THOC2: variants seen among roughly 807,000 people sequenced by gnomAD.
The protein encoded by THOC2 is THO complex subunit 2.
A neutral mutation model predicts 128.4 loss-of-function variants in THOC2; 10 were observed. That is an observed-to-expected ratio of 0.08 (90% CI 0.05 to 0.13). THOC2 has a LOEUF of 0.13. Among genes scored for constraint, THOC2 ranks in the 10% least tolerant of loss-of-function variants. The pLI is 1.00. For synonymous variants in THOC2, 393 were observed against 396.9 expected, an observed-to-expected ratio of 0.99 and a Z score of 0.12; for missense variants, 535 against 1,155.7, an observed-to-expected ratio of 0.46 and a Z score of 7.79.
chrX:123,609,459 A>G (rs996260045), intron 38 of THOC2, among the ~76,000 whole-genome samples: 1 of 111,939 alleles, frequency 8.9e-6, no homozygotes, highest in African/African-American at 3.2e-5. Context: ...CCTGCTTTGC[A>G]GCCAAAATAA....
In THOC2 at chrX:123,621,204, G is replaced by C. The variant is rs1222842994; in HGVS notation, c.4169C>G (p.Ser1390Cys). 1 of 1,206,863 alleles carries C rather than the reference G, an allele frequency of 8.3e-7. No individual in the cohort carries two copies. Among genetic ancestry groups the C allele is most frequent in the African/African-American group, 1.8e-5 (1 of 56,777 alleles). ...KGGEKTPVSG[S>C]LKSPVPRSDI... ...TGATCTGGGAACAGGTGATTTCAAGGACCCAGAAACTGGTGTTTTTTCTCC... is the reference window on the plus strand; with the variant it reads ...TGATCTGGGAACAGGTGATTTCAAGCACCCAGAAACTGGTGTTTTTTCTCC... The change falls in exon 31 of 39, where the codon TCC (serine) becomes TGC (cysteine). Residue 1390 changes from serine to cysteine, a missense_variant. Coordinates refer to ENST00000245838, the MANE Select transcript of THOC2 (RefSeq NM_001081550.2).
At chrX:123,620,739 AG>A (rs1298744159) in intron 32 of THOC2, 167 bp downstream of exon 32, 4 of 414,109 alleles carry the variant, frequency 9.7e-6, no homozygotes, top group East Asian at 7.6e-5. Flanking sequence ...AATACTCAAT[AG>A]GAAAAAAAAT....
At chrX:123,674,329 C>A (rs1007254609) in intron 8 of THOC2, among the ~76,000 whole-genome samples, 8 of 111,673 alleles carry the variant, frequency 7.2e-5, no homozygotes, top group Non-Finnish European at 1.1e-4. Context: ...TTTTCATTGT[C>A]TCTTGTAACA....
chrX:123,609,286 G>A (rs2046608698), intron 38 of THOC2, among the ~76,000 whole-genome samples: 3 of 112,109 alleles, frequency 2.7e-5, no homozygotes, highest in Non-Finnish European at 5.6e-5. Context: ...TAGAATTGAA[G>A]AATTAGCAGT....
At chrX:123,672,989 T>C (rs1348738227) in intron 8 of THOC2, among the ~76,000 whole-genome samples, 1 of 112,567 alleles carries the variant, frequency 8.9e-6, no homozygotes, top group East Asian at 2.8e-4. Context: ...ATTGTTTCAC[T>C]CTATTTTTTA....
intron 6 of THOC2, 72 bp downstream of exon 6, chrX:123,696,649 A>G (rs2050459030): frequency 9.6e-7 from 1 of 1,041,872 alleles, no homozygotes; most frequent in Non-Finnish European, 1.3e-6. Context: ...CTTAGAAGCT[A>G]CTAGGATTCA....
chrX:123,723,401 C>G (rs2051794525), intron 1 of THOC2, among the ~76,000 whole-genome samples: 1 of 110,957 alleles, frequency 9.0e-6, no homozygotes, highest in Admixed American at 9.6e-5. Context: ...AAAGTGTAAC[C>G]TATAACCCAG....
intron 12 of THOC2, among the ~76,000 whole-genome samples, chrX:123,656,944 A>G (rs1349402690): frequency 9.0e-6 from 1 of 110,839 alleles, no homozygotes; most frequent in Non-Finnish European, 1.9e-5. Context: ...CAGGGGGCGG[A>G]GGTTGCAGTG....
chrX:123,611,519 A>G lies in THOC2; in HGVS notation c.4678-3T>C, dbSNP rs768011863. On this transcript the variant is annotated splice_polypyrimidine_tract_variant and splice_region_variant and intron_variant, in intron 36 of 38. Coordinates refer to ENST00000245838, the MANE Select transcript of THOC2 (RefSeq NM_001081550.2). ...TTTTCTTTATCATGCCTGGACTCCT[A>G]TAAGAAATAGTAGAATTAGCTGGGG... The G allele has an allele frequency of 2.7e-6, 3 of 1,130,750 alleles. No homozygotes were observed. The highest frequency in any genetic ancestry group is 4.5e-5 in the Admixed American group (2 of 44,769). 93.2% of individuals were successfully genotyped at this position (1,130,750 alleles called of 1,213,427 possible). A position where few individuals can be genotyped will look rare whatever the true frequency, so the allele number is the denominator to read the frequency against.
At chrX:123,709,118 G>GT (rs2051067900) in intron 2 of THOC2, among the ~76,000 whole-genome samples, 1 of 112,303 alleles carries the variant, frequency 8.9e-6, no homozygotes, top group Non-Finnish European at 1.9e-5. Context: ...CCATAGAACT[G>GT]TAAGTGGTGG....
At chrX:123,723,886 G>C (rs2051820770) in intron 1 of THOC2, among the ~76,000 whole-genome samples, 1 of 111,474 alleles carries the variant, frequency 9.0e-6, no homozygotes, top group Admixed American at 9.6e-5. Context: ...GGTGGGAAAG[G>C]TTTGATCGGG....
intron 8 of THOC2, among the ~76,000 whole-genome samples, chrX:123,675,213 C>T (rs943140490): frequency 3.6e-5 from 4 of 111,766 alleles, no homozygotes; most frequent in Non-Finnish European, 7.5e-5. Context: ...AGTTATTGTA[C>T]TTTTCAACTC....
intron 3 of THOC2, 73 bp from the exon 4 acceptor site, chrX:123,703,578 T>C (rs1285810264): frequency 1.6e-5 from 11 of 697,341 alleles, no homozygotes; most frequent in Non-Finnish European, 2.4e-5. Flanking sequence ...ATAATAACAC[T>C]CTTCTGTGAA....
In THOC2 at chrX:123,621,458, T is replaced by C. The variant is rs763938173; in HGVS notation, c.3915A>G (p.Glu1305=). ...LGKDGKEKPK[E]ERPNKDEKAR... Reference sequence around the variant, plus strand: ...CTTTTTCATCTTTATTTGGCCGCTCTTCCTTTGGTTTTTCTTTACCATCTT... The same window carrying C: ...CTTTTTCATCTTTATTTGGCCGCTCCTCCTTTGGTTTTTCTTTACCATCTT... The change falls in exon 31 of 39, where the codon GAA becomes GAG. Residue 1305 remains glutamate (E), a synonymous_variant. Coordinates refer to ENST00000245838, the MANE Select transcript of THOC2 (RefSeq NM_001081550.2). 8.3e-7 allele frequency: 1 copy of C among 1,209,174 alleles called. No homozygotes were observed. Among genetic ancestry groups the C allele is most frequent in the East Asian group, 3.0e-5 (1 of 33,743 alleles).
At position 123,718,449 on chromosome X, in the gene THOC2, C is replaced by T. The variant is rs748019113; in HGVS notation, c.72-5541G>A. 3.6e-5 allele frequency among the ~76,000 whole-genome samples: 4 copies of T among 111,866 alleles called. No homozygotes were observed. The South Asian group carries it at 1.1e-3, about 31-fold the overall frequency. ...AAGCAAAAATAGACAAATGGGATTA[C>T]ATCAAACAAAAAAAGTTTCTACACA... On this transcript the variant is annotated intron_variant, in intron 1 of 38. Transcript: ENST00000245838.
chrX:123,666,746 A>G lies in THOC2; in HGVS notation c.1190+360T>C, dbSNP rs142957823. Among the ~76,000 whole-genome samples the G allele has an allele frequency of 7.6e-3, 854 of 111,811 alleles. 5 individuals are homozygous for G. Among genetic ancestry groups the G allele is most frequent in the African/African-American group, 0.026 (799 of 30,791 alleles). ...TCAGAGCCACTCAGCCAGGATGGAG[A>G]AAAATTACACTAAGAAAAAACCTCA... On this transcript the variant is annotated intron_variant, in intron 11 of 38. Transcript: ENST00000245838.
At chrX:123,710,748 G>C (rs760316638) in intron 2 of THOC2, among the ~76,000 whole-genome samples, 26 of 109,336 alleles carry the variant, frequency 2.4e-4, no homozygotes, top group African/African-American at 8.0e-4. Context: ...CCAGCTCTTT[G>C]GGAGGCTAAG....
chrX:123,661,898 G>A (rs996093050), intron 12 of THOC2, among the ~76,000 whole-genome samples: 3 of 111,110 alleles, frequency 2.7e-5, no homozygotes, highest in Non-Finnish European at 3.8e-5. Context: ...CTGCTGAGGC[G>A]GGAAGATCCC....
intron 2 of THOC2, among the ~76,000 whole-genome samples, chrX:123,711,290 C>T (rs188289553): frequency 9.4e-6 from 1 of 106,052 alleles, no homozygotes; most frequent in Non-Finnish European, 1.9e-5. Context: ...CCTCAGCCTC[C>T]GAAAGTGCTA....
Sources: gnomAD v4.1 joint callset for allele counts (sites outside exome capture counted in the v4.1 genomes callset) on GRCh38, gnomAD v4.1.1 for gene constraint, MANE v1.5 for transcripts, NCBI Gene and HGNC (gene_info 2026-07-23, HGNC 2026-07-21) for gene names.